The following AGPAT4 variants were observed in gnomAD, a reference collection of about 807,000 sequenced individuals.
AGPAT4 encodes the protein 1-acylglycerol-3-phosphate O-acyltransferase 4, also known as 1-acyl-sn-glycerol-3-phosphate acyltransferase delta.
In AGPAT4, 15 loss-of-function variants were observed where a neutral mutation model predicts 48.0. The ratio of observed to expected loss-of-function variants is 0.31; its 90% CI spans 0.21 to 0.48. The LOEUF (loss-of-function observed/expected upper bound fraction) is 0.48. Ranked by LOEUF, AGPAT4 falls within the 20% of genes least tolerant of loss-of-function variation. The pLI, the probability that AGPAT4 is intolerant of heterozygous loss-of-function variation, is 0.99. For synonymous variants in AGPAT4, 178 were observed against 198.7 expected (o/e 0.90, Z 0.88); for missense variants, 314 against 482.5 (o/e 0.65, Z 3.27).
At chr6:161,265,554 G>T (rs1325254204) in intron 1 of AGPAT4, among the ~76,000 whole-genome samples, 1 of 152,216 alleles carries the variant, frequency 6.6e-6, no homozygotes, top group Non-Finnish European at 1.5e-5. Flanking sequence ...CAGGGGCGCA[G>T]CACTCACTGT....
Position 161,196,790 on chromosome 6 carries a change from C to T in AGPAT4, c.179-30373G>A, listed in dbSNP as rs1781077383. Reference sequence around the variant, plus strand: ...TGCTACTGTACTCCAGCCTAGGCAACAGAGAAAGACTCTATCTCCCCCCGC... The same window carrying T: ...TGCTACTGTACTCCAGCCTAGGCAATAGAGAAAGACTCTATCTCCCCCCGC... On this transcript the variant is annotated intron_variant, in intron 2 of 8. Coordinates refer to ENST00000320285, the MANE Select transcript of AGPAT4 (RefSeq NM_020133.3). This position sits in a 1 kb window ranked among gnomAD's most constrained non-coding sequence, Gnocchi z 4.3. 7.1e-6 allele frequency among the ~76,000 whole-genome samples: 1 copy of T among 140,996 alleles called. No homozygotes were observed. The highest frequency in any genetic ancestry group is 2.7e-5 in the African/African-American group (1 of 37,226). The allele number at this position is 140,996 out of a possible 152,430, so 92.5% of individuals were successfully genotyped here.
rs993860105 is a variant in AGPAT4 at position 161,167,066 on chromosome 6, T to C, written c.179-649A>G. On this transcript the variant is annotated intron_variant, in intron 2 of 8. Transcript: ENST00000320285. The stretch of plus-strand genomic sequence containing the variant: ...GTTTATTCTTCAGTGATGCCTCCCA[T>C]CCAGGGAACCTATTCCCAATCTGGC... 3.4e-4 allele frequency among the ~76,000 whole-genome samples: 52 copies of C among 152,166 alleles called. 2 individuals carry two copies.
In AGPAT4 at chr6:161,249,064, G is replaced by A. The variant is rs928536322; in HGVS notation, c.-89-16762C>T. ...AAAGCTGACAAAAACAAGCAATGGG[G>A]AAAGGACTCCCTATTCAATAAACAG... is the stretch of plus-strand genomic sequence containing the variant. On this transcript the variant is annotated intron_variant, in intron 1 of 8. Transcript: ENST00000320285. The surrounding 1 kb of genome is among the most constrained non-coding windows in gnomAD (Gnocchi z 6.2). Among the ~76,000 whole-genome samples, 2 of 152,154 alleles carry A rather than the reference G, an allele frequency of 1.3e-5. No homozygotes were observed. Among genetic ancestry groups the A allele is most frequent in the Non-Finnish European group, 2.9e-5 (2 of 68,044 alleles).
rs529256516 is a variant in AGPAT4, at chr6:161,241,806, C to A, written c.-89-9504G>T. ...GGAGTGCAGTGGCACAATCTCGGCT[C>A]ACTGCAACCTCCGCCTCCTGGGTTC... On this transcript the variant is annotated intron_variant, in intron 1 of 8. Transcript: ENST00000320285. Among the ~76,000 whole-genome samples, 25 of 152,346 alleles carry A rather than the reference C, an allele frequency of 1.6e-4. 1 individual carries two copies. Among genetic ancestry groups the A allele is most frequent in the African/African-American group, 5.8e-4 (24 of 41,584 alleles).
In AGPAT4 at chr6:161,155,817, T is replaced by G. The variant is rs968439805; in HGVS notation, c.349-1507A>C. On this transcript the variant is annotated intron_variant, in intron 3 of 8. Transcript: ENST00000320285. The surrounding 1 kb of genome is among the most constrained non-coding windows in gnomAD (Gnocchi z 5.8). Reference sequence around the variant, plus strand: ...CCATGGTATTTTTTAAAATTATATTTACCTGAACTCATTCCAAACATGCAG... The same window carrying G: ...CCATGGTATTTTTTAAAATTATATTGACCTGAACTCATTCCAAACATGCAG... Among the ~76,000 whole-genome samples the G allele has an allele frequency of 5.3e-5, 8 of 152,214 alleles. No individual in the cohort carries two copies. Among genetic ancestry groups the G allele is most frequent in the Non-Finnish European group, 1.5e-5 (1 of 68,040 alleles).
intron 5 of AGPAT4, among the ~76,000 whole-genome samples, chr6:161,150,098 G>A (rs913158261): frequency 6.6e-6 from 1 of 152,216 alleles, no homozygotes; most frequent in African/African-American, 2.4e-5. Context: ...ATACTGATGA[G>A]AAACTCCTTA....
At position 161,146,520 on chromosome 6, in the gene AGPAT4, T is replaced by G; in HGVS notation, c.843+4A>C. ...AAGGGACCCCTGGCACCCAGTGCAC[T>G]GACCTTCTCCTGGTAGAGCTTGTGC... On this transcript the variant is annotated splice_donor_region_variant and intron_variant, in intron 7 of 8. Transcript: ENST00000320285. The surrounding 1 kb of genome is among the most constrained non-coding windows in gnomAD (Gnocchi z 7.1). 1 of 1,613,830 alleles carries G rather than the reference T, an allele frequency of 6.2e-7. No individual in the cohort carries two copies. Among genetic ancestry groups the G allele is most frequent in the Non-Finnish European group, 8.5e-7 (1 of 1,180,000 alleles).
chr6:161,166,475 T>C lies in AGPAT4; in HGVS notation c.179-58A>G. The stretch of plus-strand genomic sequence containing the variant: ...ACATGCAGCCTTGTCCTGGGAGCCC[T>C]GCTGAGAGCAGGGCTCTGCCCTCCC... On this transcript the variant is annotated intron_variant, in intron 2 of 8. Coordinates refer to ENST00000320285, the MANE Select transcript of AGPAT4 (RefSeq NM_020133.3). This position sits in a 1 kb window ranked among gnomAD's most constrained non-coding sequence, Gnocchi z 6.7. 2 of 1,526,500 alleles carry C rather than the reference T, an allele frequency of 1.3e-6. No individual in the cohort carries two copies. The highest frequency in any genetic ancestry group is 1.4e-5 in the African/African-American group (1 of 72,072). The allele number at this position is 1,526,500 out of a possible 1,614,324, so 94.6% of individuals were successfully genotyped here. A position where few individuals can be genotyped will look rare whatever the true frequency, so the allele number is the denominator to read the frequency against.
chr6:161,244,721 C>G lies in AGPAT4; in HGVS notation c.-89-12419G>C, dbSNP rs992892552. ...AAAGCCGACAAGGGTGCACACATCT[C>G]TCCCTTTGGTCTGGCCTAGCCCACC... On this transcript the variant is annotated intron_variant, in intron 1 of 8. Transcript: ENST00000320285. This position sits in a 1 kb window ranked among gnomAD's most constrained non-coding sequence, Gnocchi z 4.7. Among the ~76,000 whole-genome samples the G allele has an allele frequency of 1.3e-4, 20 of 152,212 alleles. No individual in the cohort carries two copies. The highest frequency in any genetic ancestry group is 4.3e-4 in the African/African-American group (18 of 41,462).
In AGPAT4 at chr6:161,178,007, T is replaced by C. The variant is rs1780474201; in HGVS notation, c.179-11590A>G. Among the ~76,000 whole-genome samples the C allele has an allele frequency of 6.6e-6, 1 of 152,228 alleles. No individual in the cohort carries two copies. Among genetic ancestry groups the C allele is most frequent in the Non-Finnish European group, 1.5e-5 (1 of 68,044 alleles). ...AAATGTTGCTGCCTGATCCTTCCTC[T>C]GAAAGCTTCGTCTCAGAGGGGCACC... On this transcript the variant is annotated intron_variant, in intron 2 of 8. Coordinates refer to ENST00000320285, the MANE Select transcript of AGPAT4 (RefSeq NM_020133.3). The surrounding 1 kb of genome is among the most constrained non-coding windows in gnomAD (Gnocchi z 5.1).
Position 161,202,899 on chromosome 6 carries a change from T to TCCAGTTGACAGCC in AGPAT4, c.178+29124_178+29136dup, listed in dbSNP as rs890329697. ...AGCCTGGGCTATATGGATAGGTTAC[T>TCCAGTTGACAGCC]CCAGTTGACAGCCCCAGTTGAGGTC... is the stretch of plus-strand genomic sequence containing the variant. On this transcript the variant is annotated intron_variant, in intron 2 of 8. Coordinates refer to ENST00000320285, the MANE Select transcript of AGPAT4 (RefSeq NM_020133.3). The surrounding 1 kb of genome is among the most constrained non-coding windows in gnomAD (Gnocchi z 5.4). 1.3e-5 allele frequency among the ~76,000 whole-genome samples: 2 copies of TCCAGTTGACAGCC among 152,152 alleles called. No homozygotes were observed. The highest frequency in any genetic ancestry group is 4.8e-5 in the African/African-American group (2 of 41,430).
chr6:161,160,765 T>A, intron 3 of AGPAT4: 2 of 347,088 alleles, frequency 5.8e-6, no homozygotes, highest in Non-Finnish European at 5.7e-6. Context: ...TGGACACAGG[T>A]CCTCAAGGCC....
At position 161,234,699 on chromosome 6, in the gene AGPAT4, CGGTTTTTCACTA is replaced by C. The variant is rs1782223030; in HGVS notation, c.-89-2409_-89-2398del. On this transcript the variant is annotated intron_variant, in intron 1 of 8. Coordinates refer to ENST00000320285, the MANE Select transcript of AGPAT4 (RefSeq NM_020133.3). The surrounding 1 kb of genome is among the most constrained non-coding windows in gnomAD (Gnocchi z 4.4). Reference sequence around the variant, plus strand: ...CAAGACAATCTGGCCAGGCCAAGCTCGGTTTTTCACTAGGTTTCTGGGGTCTAGAGTTTGTAA... The same window carrying C: ...CAAGACAATCTGGCCAGGCCAAGCTCGGTTTCTGGGGTCTAGAGTTTGTAA... Among the ~76,000 whole-genome samples the C allele has an allele frequency of 6.6e-6, 1 of 152,050 alleles. No homozygotes were observed. Among genetic ancestry groups the C allele is most frequent in the African/African-American group, 2.4e-5 (1 of 41,400 alleles).
chr6:161,202,307 G>A lies in AGPAT4; in HGVS notation c.178+29729C>T, dbSNP rs1338887601. On this transcript the variant is annotated intron_variant, in intron 2 of 8. Coordinates refer to ENST00000320285, the MANE Select transcript of AGPAT4 (RefSeq NM_020133.3). This position sits in a 1 kb window ranked among gnomAD's most constrained non-coding sequence, Gnocchi z 5.4. ...GGCAAGGTGGTGCTGGCTATTGGCT[G>A]TAGATCTCAATTCCTCTTCTCATGG... is the stretch of plus-strand genomic sequence containing the variant. Among the ~76,000 whole-genome samples, 1 of 152,036 alleles carries A rather than the reference G, an allele frequency of 6.6e-6. No homozygotes were observed. Among genetic ancestry groups the A allele is most frequent in the African/African-American group, 2.4e-5 (1 of 41,394 alleles).
chr6:161,160,104 ATTTTTTTTTTTTTTTTT>A (rs5881394), intron 3 of AGPAT4: 4 of 74,008 alleles, frequency 5.4e-5, no homozygotes, highest in Non-Finnish European at 7.2e-5. Context: ...CACCCAGCTA[ATTTTTTTTTTTTTTTTT>A]TTTTTTTTTT....
In AGPAT4 at chr6:161,270,400, TATTATG is replaced by T. The variant is rs1361904119; in HGVS notation, c.-90+3532_-90+3537del. Among the ~76,000 whole-genome samples, 1 of 152,194 alleles carries T rather than the reference TATTATG, an allele frequency of 6.6e-6. No homozygotes were observed. Among genetic ancestry groups the T allele is most frequent in the African/African-American group, 2.4e-5 (1 of 41,452 alleles). The stretch of plus-strand genomic sequence containing the variant: ...CAAGCTCTAGGAAATGTTACATGAT[TATTATG>T]ATTATATTTCAAAATAGGAGTGATG... On this transcript the variant is annotated intron_variant, in intron 1 of 8. Coordinates refer to ENST00000320285, the MANE Select transcript of AGPAT4 (RefSeq NM_020133.3). This position sits in a 1 kb window ranked among gnomAD's most constrained non-coding sequence, Gnocchi z 5.3.
rs1783310412 is a variant in AGPAT4 at position 161,267,819 on chromosome 6, C to T, written c.-90+6119G>A. 6.6e-6 allele frequency among the ~76,000 whole-genome samples: 1 copy of T among 152,120 alleles called. No individual in the cohort carries two copies. Among genetic ancestry groups the T allele is most frequent in the South Asian group, 2.1e-4 (1 of 4,812 alleles). On this transcript the variant is annotated intron_variant, in intron 1 of 8. Coordinates refer to ENST00000320285, the MANE Select transcript of AGPAT4 (RefSeq NM_020133.3). This position sits in a 1 kb window ranked among gnomAD's most constrained non-coding sequence, Gnocchi z 5.2. ...GCTGAAGCGGGAGGATTGCTTGAGC[C>T]CAGGAATTCAAGGCCAGCTTGAGCA...
rs1782583814 is a variant in AGPAT4 at position 161,244,206 on chromosome 6, A to T, written c.-89-11904T>A. On this transcript the variant is annotated intron_variant, in intron 1 of 8. Transcript: ENST00000320285. This position sits in a 1 kb window ranked among gnomAD's most constrained non-coding sequence, Gnocchi z 4.7. ...CTGACGACACAATTCTAACAAATAC[A>T]GAAGACGCAAAGAACAGGTAGGTCA... Among the ~76,000 whole-genome samples, 1 of 152,216 alleles carries T rather than the reference A, an allele frequency of 6.6e-6. No individual in the cohort carries two copies. The highest frequency in any genetic ancestry group is 1.5e-5 in the Non-Finnish European group (1 of 68,044).
At position 161,223,742 on chromosome 6, in the gene AGPAT4, C is replaced by T. The variant is rs1205399886; in HGVS notation, c.178+8294G>A. 6.6e-6 allele frequency among the ~76,000 whole-genome samples: 1 copy of T among 152,186 alleles called. No individual in the cohort carries two copies. The highest frequency in any genetic ancestry group is 2.4e-5 in the African/African-American group (1 of 41,450). On this transcript the variant is annotated intron_variant, in intron 2 of 8. Transcript: ENST00000320285. This position sits in a 1 kb window ranked among gnomAD's most constrained non-coding sequence, Gnocchi z 6.3. ...TGGACACATGGCCTCACCTCCAGAG[C>T]TTGGCTCCTCAAATGCAGGGCAGGG...
Sources: allele counts gnomAD v4.1 joint callset (sites outside exome capture counted in the v4.1 genomes callset), GRCh38; gene constraint gnomAD v4.1.1; non-coding constraint Gnocchi (gnomAD v3.1); transcripts MANE v1.5; gene names NCBI Gene and HGNC (gene_info 2026-07-23, HGNC 2026-07-21).